The following TPTE2 variants were observed in gnomAD, a reference collection of about 807,000 sequenced individuals.
TPTE2 encodes the protein transmembrane phosphoinositide 3-phosphatase and tensin homolog 2, also known as phosphatidylinositol 3,4,5-trisphosphate 3-phosphatase TPTE2.
TPTE2 carries 53 observed loss-of-function variants against 78.6 expected under a neutral mutation model. The observed-to-expected ratio is 0.67, with a 90% confidence interval of 0.54 to 0.85. The LOEUF (loss-of-function observed/expected upper bound fraction) is 0.85, where lower values mean the gene tolerates loss of function less well. Among genes scored for constraint, TPTE2 ranks in the 40% least tolerant of loss-of-function variants. The probability of loss-of-function intolerance (pLI) is 0.00; values close to 1 mark genes in which losing one functional copy is unlikely to be tolerated. For missense variants in TPTE2, 461 were observed against 623.0 expected (o/e 0.74, Z 2.77); for synonymous variants, 175 against 206.2 (o/e 0.85, Z 1.30).
chr13:19,552,806 T>G, the TPTE2 span: 1 of 230,740 alleles, frequency 4.3e-6, no homozygotes, highest in East Asian at 9.4e-5. Context: ...CATGTATTTT[T>G]CAGACCTTGA....
chr13:19,462,538 C>CT (rs34343811), intron 10 of TPTE2, among the ~76,000 whole-genome samples: 79,041 of 143,338 alleles, frequency 0.55, 25,841 homozygotes, highest in East Asian at 0.73. Flanking sequence ...TTAACATTTC[C>CT]TTTTTTTTTT....
rs150596292 is a variant in TPTE2 at position 19,469,222 on chromosome 13, G to A, written c.393-1878C>T. On this transcript the variant is annotated intron_variant, in intron 6 of 19. Coordinates refer to ENST00000400230, the Ensembl canonical transcript of TPTE2. Reference sequence around the variant, plus strand: ...GTATACGGTGAGAGGTAGGGGTCTAGGTGCATTCTTCTGTATGTGTATATC... The same window carrying A: ...GTATACGGTGAGAGGTAGGGGTCTAAGTGCATTCTTCTGTATGTGTATATC... Among the ~76,000 whole-genome samples the A allele has an allele frequency of 8.7e-3, 1,324 of 152,286 alleles. 28 individuals are homozygous for A. Among genetic ancestry groups the A allele is most frequent in the African/African-American group, 0.03 (1,257 of 41,544 alleles).
At chr13:19,558,530 A>T in the TPTE2 span, among the ~76,000 whole-genome samples, 1 of 152,200 alleles carries the variant, frequency 6.6e-6, no homozygotes, top group African/African-American at 2.4e-5. Context: ...TTGAATTTTG[A>T]CTAGAATCTG....
exon 8 of TPTE2, chr13:19,465,536 G>A: frequency 1.2e-6 from 2 of 1,603,192 alleles, no homozygotes; most frequent in Non-Finnish European, 1.7e-6. Context: ...AGAATAATAA[G>A]TCGTAGAAGT....
the TPTE2 span, among the ~76,000 whole-genome samples, chr13:19,546,030 C>T: frequency 6.6e-6 from 1 of 152,040 alleles, no homozygotes; most frequent in African/African-American, 2.4e-5. Context: ...CCCGTCTCTA[C>T]AGAACATTTA....
upstream of TPTE2, chr13:19,536,850 T>C (rs939365028): frequency 1.3e-5 from 2 of 151,766 alleles, no homozygotes; most frequent in African/African-American, 4.8e-5. Flanking sequence ...TCATAAATTA[T>C]GTAATTACAT....
chr13:19,505,101 G>T (rs1868912072), upstream of TPTE2, among the ~76,000 whole-genome samples: 1 of 151,970 alleles, frequency 6.6e-6, no homozygotes, highest in African/African-American at 2.4e-5. Context: ...TGTACTATCT[G>T]GTTGATATTT....
intron 7 of TPTE2, among the ~76,000 whole-genome samples, chr13:19,466,077 A>T (rs542729660): frequency 6.6e-6 from 1 of 152,296 alleles, no homozygotes; most frequent in East Asian, 1.9e-4. Flanking sequence ...CAACAGATTG[A>T]GATACTTCCA....
At chr13:19,439,271 T>C (rs572129502) in intron 13 of TPTE2, among the ~76,000 whole-genome samples, 13 of 152,176 alleles carry the variant, frequency 8.5e-5, no homozygotes, top group African/African-American at 1.7e-4. Context: ...CTCTTACCCA[T>C]GGCGCCATCT....
intron 19 of TPTE2, among the ~76,000 whole-genome samples, chr13:19,424,041 G>A (rs1374918526): frequency 6.6e-6 from 1 of 152,206 alleles, no homozygotes; most frequent in African/African-American, 2.4e-5. Context: ...CATTGCAAGT[G>A]TGTAGACCAG....
chr13:19,543,320 T>C, the TPTE2 span, among the ~76,000 whole-genome samples: 2 of 151,372 alleles, frequency 1.3e-5, no homozygotes, highest in Non-Finnish European at 2.9e-5. Flanking sequence ...CCCAAAGTGC[T>C]GGGATTACAG....
chr13:19,482,553 GC>G lies in TPTE2; in HGVS notation c.120-7del. ...TGGAAAGTCGTTCTAACATACTTTAGCCACCAAAAAAAAATGCAAAAATATA... is the reference window on the plus strand; with the variant it reads ...TGGAAAGTCGTTCTAACATACTTTAGCACCAAAAAAAAATGCAAAAATATA... On this transcript the variant is annotated splice_region_variant and splice_polypyrimidine_tract_variant and intron_variant, in intron 3 of 19. Coordinates refer to ENST00000400230, the Ensembl canonical transcript of TPTE2. 6.2e-7 allele frequency: 1 copy of G among 1,607,552 alleles called. No individual in the cohort carries two copies. The highest frequency in any genetic ancestry group is 1.1e-5 in the South Asian group (1 of 90,116).
chr13:19,505,296 A>G (rs1374041375), upstream of TPTE2, among the ~76,000 whole-genome samples: 3 of 152,036 alleles, frequency 2.0e-5, no homozygotes, highest in Non-Finnish European at 4.4e-5. Context: ...ATGCACCACC[A>G]CACCTGGCGA....
chr13:19,478,191 A>G (rs1433531492), intron 4 of TPTE2, among the ~76,000 whole-genome samples: 1 of 152,226 alleles, frequency 6.6e-6, no homozygotes, highest in African/African-American at 2.4e-5. Flanking sequence ...GCTTCTGCAC[A>G]GCAAAAGAAA....
the TPTE2 span, among the ~76,000 whole-genome samples, chr13:19,554,509 C>A: frequency 2.0e-5 from 3 of 151,856 alleles, no homozygotes; most frequent in Non-Finnish European, 4.4e-5. Context: ...GTATCACAAT[C>A]CCCTACTGTT....
chr13:19,443,411 T>TG (rs398021737), intron 13 of TPTE2, among the ~76,000 whole-genome samples: 3 of 147,520 alleles, frequency 2.0e-5, no homozygotes, highest in South Asian at 2.1e-4. Context: ...TTTTTTTTTT[T>TG]GTTTCATTTT....
At chr13:19,534,891 C>T (rs1357637749) in intron 1 of TPTE2, among the ~76,000 whole-genome samples, 2 of 152,038 alleles carry the variant, frequency 1.3e-5, no homozygotes, top group African/African-American at 4.8e-5. Context: ...AGAGTAGTAA[C>T]GAGGCAAGAA....
intron 1 of TPTE2, among the ~76,000 whole-genome samples, chr13:19,523,720 C>A (rs1870324774): frequency 1.3e-5 from 2 of 152,154 alleles, no homozygotes; most frequent in African/African-American, 4.8e-5. Context: ...AGGTTATCGT[C>A]CCACCTCAGC....
Position 19,427,800 on chromosome 13 carries a change from G to A in TPTE2, c.1303-1283C>T, listed in dbSNP as rs546310478. Reference sequence around the variant, plus strand: ...TTTTGGAATGAATGACTTTGAAGCCGTACTAGTTCTTTGACTCATTCTCAT... The same window carrying A: ...TTTTGGAATGAATGACTTTGAAGCCATACTAGTTCTTTGACTCATTCTCAT... On this transcript the variant is annotated intron_variant, in intron 17 of 19. Transcript: ENST00000400230. Among the ~76,000 whole-genome samples, 18 of 152,308 alleles carry A rather than the reference G, an allele frequency of 1.2e-4. No homozygotes were observed. The East Asian group carries it at 1.4e-3, about 11-fold the overall frequency.
Sources: gnomAD v4.1 joint callset for allele counts (sites outside exome capture counted in the v4.1 genomes callset) on GRCh38, gnomAD v4.1.1 for gene constraint, MANE v1.5 for transcripts, NCBI Gene and HGNC (gene_info 2026-07-23, HGNC 2026-07-21) for gene names.